The following NPL variants were observed in gnomAD, a reference collection of about 807,000 sequenced individuals.
The protein encoded by NPL is N-acetylneuraminate pyruvate lyase.
Under a neutral mutation model 41.1 loss-of-function variants are expected in NPL, and 32 were observed. That is an observed-to-expected ratio of 0.78 (90% CI 0.59 to 1.05). NPL has a LOEUF of 1.05. Among genes scored for constraint, NPL ranks in the 50% least tolerant of loss-of-function variants. NPL has a pLI of 0.00. For missense variants in NPL, 321 were observed against 378.4 expected (o/e 0.85, Z 1.26); for synonymous variants, 128 against 134.9 (o/e 0.95, Z 0.35).
At chr1:182,807,241 C>T (rs950772960) in intron 5 of NPL, among the ~76,000 whole-genome samples, 11 of 152,048 alleles carry the variant, frequency 7.2e-5, no homozygotes, top group African/African-American at 2.2e-4. Context: ...GCTGACCATC[C>T]GGTAGGGGTG....
intron 4 of NPL, among the ~76,000 whole-genome samples, chr1:182,804,169 C>T (rs555402118): frequency 9.2e-5 from 14 of 152,202 alleles, no homozygotes; most frequent in African/African-American, 3.4e-4. Context: ...GCTCTATCTC[C>T]CCCTGGGCTG....
intron 6 of NPL, 138 bp downstream of exon 6, chr1:182,812,351 G>A (rs555340697): frequency 3.3e-5 from 25 of 764,416 alleles, no homozygotes; most frequent in Admixed American, 2.2e-4. Flanking sequence ...GGGGCTTACT[G>A]CATAGAAGCA....
intron 10 of NPL, among the ~76,000 whole-genome samples, 177 bp downstream of exon 10, chr1:182,819,036 T>C (rs1472476184): frequency 6.6e-6 from 1 of 152,234 alleles, no homozygotes; most frequent in Non-Finnish European, 1.5e-5. Context: ...AATTCAGTCA[T>C]TGGACTGGGC....
chr1:182,822,247 C>T (rs911928190), intron 11 of NPL, 48 bp downstream of exon 11: 4 of 1,274,328 alleles, frequency 3.1e-6, no homozygotes, highest in Admixed American at 1.7e-5. Context: ...TTTTCTTCCC[C>T]ACTTGAGGAT....
rs748866811 is a variant in NPL at position 182,818,794 on chromosome 1, A to AT, written c.607-13dup. On this transcript the variant is annotated intron_variant, in intron 9 of 12. Transcript: ENST00000367553. ...CTTTCTCTTTTTTATACAAGTGAAT[A>AT]TTTTTTGTTTCTGATTAGCAACTGT... The AT allele has an allele frequency of 1.9e-6, 3 of 1,613,948 alleles. No individual in the cohort carries two copies. Among genetic ancestry groups the AT allele is most frequent in the South Asian group, 1.1e-5 (1 of 91,060 alleles).
At chr1:182,790,613 T>TG (rs1553232090) in intron 1 of NPL, among the ~76,000 whole-genome samples, 11 of 150,482 alleles carry the variant, frequency 7.3e-5, no homozygotes, top group Middle Eastern at 3.4e-3. Context: ...GTTAAAGTCT[T>TG]TTGTTGTTGT....
chr1:182,800,742 T>C (rs1327174234), intron 3 of NPL, among the ~76,000 whole-genome samples: 8 of 148,564 alleles, frequency 5.4e-5, no homozygotes, highest in Non-Finnish European at 7.4e-5. Context: ...TTTTTTTTTT[T>C]TTTTTGAGAC....
chr1:182,806,738 T>C (rs1247633837), intron 5 of NPL, among the ~76,000 whole-genome samples: 4 of 152,236 alleles, frequency 2.6e-5, no homozygotes, highest in Admixed American at 6.5e-5. Flanking sequence ...TAAACTTCCA[T>C]GCAGTGATAA....
At chr1:182,799,922 A>T (rs1030194986) in intron 3 of NPL, among the ~76,000 whole-genome samples, 1 of 152,164 alleles carries the variant, frequency 6.6e-6, no homozygotes, top group Non-Finnish European at 1.5e-5. Context: ...CTTGGGGCTC[A>T]TGAAAGAAGA....
chr1:182,825,601 C>A (rs1667610864), intron 11 of NPL, among the ~76,000 whole-genome samples, 180 bp from the exon 12 acceptor site: 1 of 152,180 alleles, frequency 6.6e-6, no homozygotes, highest in South Asian at 2.1e-4. Context: ...ATGAAAAGAT[C>A]TTACCTTAGC....
chr1:182,814,731 G>C, intron 6 of NPL, 52 bp from the exon 7 acceptor site: 2 of 1,403,582 alleles, frequency 1.4e-6, no homozygotes, highest in South Asian at 2.3e-5. Flanking sequence ...TAAGCTATAG[G>C]TGACTATAGT....
intron 7 of NPL, among the ~76,000 whole-genome samples, chr1:182,816,010 A>G (rs1382840152): frequency 6.6e-6 from 1 of 152,274 alleles, no homozygotes; most frequent in African/African-American, 2.4e-5. Context: ...AAATATTATC[A>G]TAGACTTGAA....
intron 3 of NPL, among the ~76,000 whole-genome samples, chr1:182,796,235 G>GTA (rs1666663514): frequency 6.7e-6 from 1 of 149,814 alleles, no homozygotes; most frequent in Non-Finnish European, 1.5e-5. Context: ...GTAGGTCAGT[G>GTA]TATAGCACAG....
At chr1:182,807,907 A>AG (rs1407467862) in intron 5 of NPL, among the ~76,000 whole-genome samples, 1 of 151,210 alleles carries the variant, frequency 6.6e-6, no homozygotes, top group South Asian at 2.1e-4. Flanking sequence ...AAAAAAAAAA[A>AG]AAGAACAGTA....
chr1:182,812,005 T>G (rs1347806050), intron 5 of NPL, 151 bp from the exon 6 acceptor site: 3 of 725,320 alleles, frequency 4.1e-6, no homozygotes, highest in Non-Finnish European at 7.3e-6. Context: ...CATAAGCCCC[T>G]TTAAGTAGAT....
chr1:182,798,307 A>C (rs1666734246), intron 3 of NPL, among the ~76,000 whole-genome samples: 1 of 148,730 alleles, frequency 6.7e-6, no homozygotes, highest in South Asian at 2.1e-4. Flanking sequence ...GACTCACTGC[A>C]ACATCCCCCT....
At chr1:182,796,672 G>A (rs1334282159) in intron 3 of NPL, among the ~76,000 whole-genome samples, 1 of 152,156 alleles carries the variant, frequency 6.6e-6, no homozygotes, top group African/African-American at 2.4e-5. Flanking sequence ...TTAGTGAAAT[G>A]ATGTGAGTCC....
At chr1:182,808,688 C>T (rs55749300) in intron 5 of NPL, among the ~76,000 whole-genome samples, 10 of 152,174 alleles carry the variant, frequency 6.6e-5, no homozygotes, top group Non-Finnish European at 1.3e-4. Flanking sequence ...GGTGCAGTGG[C>T]TCATGCCTGT....
intron 3 of NPL, among the ~76,000 whole-genome samples, chr1:182,795,036 C>T (rs1009923213): frequency 2.6e-5 from 4 of 152,080 alleles, no homozygotes; most frequent in African/African-American, 7.2e-5. Context: ...AATCATTACC[C>T]CAAGCAAGTA....
Sources: gnomAD v4.1 joint callset for allele counts (sites outside exome capture counted in the v4.1 genomes callset) on GRCh38, gnomAD v4.1.1 for gene constraint, MANE v1.5 for transcripts, NCBI Gene and HGNC (gene_info 2026-07-23, HGNC 2026-07-21) for gene names.